EPHA6: variants seen among roughly 807,000 people sequenced by gnomAD.
EPHA6 encodes ephrin type-A receptor 6.
EPHA6 carries 50 observed loss-of-function variants against 112.0 expected under a neutral mutation model. The ratio of observed to expected loss-of-function variants is 0.45; its 90% CI spans 0.36 to 0.56. The LOEUF (loss-of-function observed/expected upper bound fraction) is 0.56. Ranked by LOEUF, EPHA6 falls within the 20% of genes least tolerant of loss-of-function variation. EPHA6 has a pLI of 0.00. For synonymous variants in EPHA6, 529 were observed against 490.7 expected, an observed-to-expected ratio of 1.08 and a Z score of -1.03; for missense variants, 1,280 against 1,417.4, an observed-to-expected ratio of 0.90 and a Z score of 1.56.
chr3:96,838,299 T>C (rs894943185), intron 1 of EPHA6, among the ~76,000 whole-genome samples: 2 of 152,216 alleles, frequency 1.3e-5, no homozygotes, highest in Non-Finnish European at 2.9e-5. Flanking sequence ...CAGTCTATCA[T>C]TGATGGACAT....
chr3:97,465,419 G>T (rs2091020010), intron 7 of EPHA6, among the ~76,000 whole-genome samples: 1 of 152,050 alleles, frequency 6.6e-6, no homozygotes, highest in Non-Finnish European at 1.5e-5. Context: ...GAGAAGCAGG[G>T]TGTAAATAAT....
At chr3:97,649,649 A>G (rs1048970682) in intron 14 of EPHA6, among the ~76,000 whole-genome samples, 3 of 152,082 alleles carry the variant, frequency 2.0e-5, no homozygotes, top group Non-Finnish European at 4.4e-5. Context: ...AAAAAAGGTG[A>G]TAAGTAAATA....
rs556213349 is a variant in EPHA6 at position 97,023,055 on chromosome 3, G to A, written c.1114+35062G>A. Among the ~76,000 whole-genome samples the A allele has an allele frequency of 5.9e-5, 9 of 152,224 alleles. No homozygotes were observed. In the East Asian group the frequency reaches 1.7e-3, roughly 29 times the overall value. The stretch of plus-strand genomic sequence containing the variant: ...GCTTTCATGCCGGGGCAGCAATAAA[G>A]TATCTGTGGATCCAATGCCTCACTA... On this transcript the variant is annotated intron_variant, in intron 3 of 17. Transcript: ENST00000389672.
chr3:96,855,900 C>T (rs569148397), intron 1 of EPHA6, among the ~76,000 whole-genome samples: 2 of 152,162 alleles, frequency 1.3e-5, no homozygotes, highest in African/African-American at 2.4e-5. Flanking sequence ...ATTAGAACTG[C>T]AGTATATTTA....
chr3:97,284,272 T>C (rs28436856), intron 5 of EPHA6, among the ~76,000 whole-genome samples: 3 of 152,170 alleles, frequency 2.0e-5, no homozygotes, highest in Non-Finnish European at 4.4e-5. Context: ...TGTGCCCTTT[T>C]GTTACTTTTG....
At chr3:97,233,015 C>T (rs2078574030) in intron 4 of EPHA6, among the ~76,000 whole-genome samples, 1 of 152,154 alleles carries the variant, frequency 6.6e-6, no homozygotes, top group Admixed American at 6.6e-5. Context: ...CTTGAGCCCA[C>T]TCGTCCAATT....
At chr3:97,739,150 T>C (rs939438870) in intron 16 of EPHA6, among the ~76,000 whole-genome samples, 1 of 152,120 alleles carries the variant, frequency 6.6e-6, no homozygotes, top group Admixed American at 6.6e-5. Flanking sequence ...CCCAGAGTGA[T>C]GCTGGATTAA....
chr3:97,155,869 C>A (rs1356095620), intron 3 of EPHA6, among the ~76,000 whole-genome samples: 3 of 152,114 alleles, frequency 2.0e-5, no homozygotes, highest in Non-Finnish European at 4.4e-5. Flanking sequence ...AGCCACCTCT[C>A]CCTTCAAGAG....
intron 14 of EPHA6, among the ~76,000 whole-genome samples, chr3:97,701,616 A>ATG (rs2033394883): frequency 6.8e-6 from 1 of 146,434 alleles, no homozygotes; most frequent in Admixed American, 6.7e-5. Context: ...GGTCATATAT[A>ATG]TGTATATATA....
rs150602332 is a variant in EPHA6, at chr3:97,614,573, C to T, written c.2574+3719C>T. 9.9e-3 allele frequency among the ~76,000 whole-genome samples: 1,315 copies of T among 132,416 alleles called. 21 individuals are homozygous for T. The highest frequency in any genetic ancestry group is 0.032 in the African/African-American group (1,184 of 36,462). 86.9% of individuals were successfully genotyped at this position (132,416 alleles called of 152,430 possible). A position where few individuals can be genotyped will look rare whatever the true frequency, so the allele number is the denominator to read the frequency against. On this transcript the variant is annotated intron_variant, in intron 13 of 17. Transcript: ENST00000389672. ...TTCACCACATTGGCCAGGATGATTT[C>T]AATTTCCTTATCTCATGATCCGCCT...
intron 3 of EPHA6, among the ~76,000 whole-genome samples, chr3:97,217,258 G>A (rs2078060487): frequency 6.6e-6 from 1 of 152,064 alleles, no homozygotes; most frequent in Non-Finnish European, 1.5e-5. Flanking sequence ...CTCCAGAGAG[G>A]TGCAGAGGTT....
At chr3:96,999,292 A>G (rs1204703817) in intron 3 of EPHA6, among the ~76,000 whole-genome samples, 2 of 151,942 alleles carry the variant, frequency 1.3e-5, no homozygotes, top group Non-Finnish European at 2.9e-5. Context: ...GAGAAAATTT[A>G]AGGGGCCTAA....
chr3:96,869,375 C>CAA (rs200135336), intron 2 of EPHA6, among the ~76,000 whole-genome samples: 59 of 100,304 alleles, frequency 5.9e-4, no homozygotes, highest in African/African-American at 1.4e-3. Context: ...TCAGCTCTTT[C>CAA]AAAAAAAAAA....
intron 15 of EPHA6, among the ~76,000 whole-genome samples, chr3:97,733,523 C>T (rs776279897): frequency 6.6e-6 from 1 of 152,008 alleles, no homozygotes; most frequent in Non-Finnish European, 1.5e-5. Context: ...CCAAAAATTT[C>T]TTCTAATAGC....
intron 5 of EPHA6, among the ~76,000 whole-genome samples, chr3:97,338,079 G>T (rs902535303): frequency 1.3e-5 from 2 of 151,848 alleles, no homozygotes; most frequent in African/African-American, 2.4e-5. Context: ...TCAGATAATG[G>T]TTGTGTGTGT....
intron 3 of EPHA6, among the ~76,000 whole-genome samples, chr3:97,187,662 G>GGAAA (rs1337796508): frequency 2.0e-5 from 2 of 101,764 alleles, no homozygotes; most frequent in African/African-American, 3.9e-5. Context: ...AAGAAAGAAA[G>GGAAA]GAAAGAAAGA....
intron 3 of EPHA6, among the ~76,000 whole-genome samples, chr3:97,018,923 G>T (rs189577973): frequency 6.6e-6 from 1 of 152,164 alleles, no homozygotes; most frequent in Non-Finnish European, 1.5e-5. Flanking sequence ...TGGCGTTACC[G>T]CTAGAGCAAG....
At chr3:97,118,208 A>G (rs2047947100) in intron 3 of EPHA6, among the ~76,000 whole-genome samples, 1 of 151,812 alleles carries the variant, frequency 6.6e-6, no homozygotes, top group African/African-American at 2.4e-5. Context: ...CTTATTTCAG[A>G]GAATCTGTCA....
chr3:97,399,407 G>A (rs935400408), intron 5 of EPHA6, among the ~76,000 whole-genome samples: 6 of 151,384 alleles, frequency 4.0e-5, no homozygotes, highest in African/African-American at 2.4e-5. Context: ...TAAACATGAT[G>A]TGGGGGGCTT....
Sources: allele counts gnomAD v4.1 joint callset (sites outside exome capture counted in the v4.1 genomes callset), GRCh38; gene constraint gnomAD v4.1.1; transcripts MANE v1.5; gene names NCBI Gene and HGNC (gene_info 2026-07-23, HGNC 2026-07-21).